PCDH11Y: variants seen among roughly 807,000 people sequenced by gnomAD.
The protein encoded by PCDH11Y is protocadherin 11 Y-linked.
For missense variants in PCDH11Y, 12 were observed against 224.8 expected (o/e 0.05, Z 6.05); for synonymous variants, 9 against 83.6 (o/e 0.11, Z 4.87).
chrY:5,671,839 G>A, intron 4 of PCDH11Y, among the ~76,000 whole-genome samples: 1 of 32,585 alleles, frequency 3.1e-5, no homozygotes, highest in South Asian at 6.8e-4. Context: ...TCAGGTGTTA[G>A]AGAATAGGAT....
chrY:5,186,807 T>C, intron 2 of PCDH11Y, among the ~76,000 whole-genome samples: 1 of 29,352 alleles, frequency 3.4e-5, no homozygotes, highest in Admixed American at 3.1e-4. Context: ...AGTCCTCCAA[T>C]GCCTTAACTT....
chrY:5,131,718 T>C, intron 2 of PCDH11Y, among the ~76,000 whole-genome samples: 1 of 33,328 alleles, frequency 3.0e-5, no homozygotes, highest in Non-Finnish European at 7.4e-5. Context: ...AGATTCAAAA[T>C]CTTATCGGCA....
chrY:5,138,871 G>A (rs2052844332), intron 2 of PCDH11Y, among the ~76,000 whole-genome samples: 39 of 33,125 alleles, frequency 1.2e-3, no homozygotes, highest in African/African-American at 4.1e-3. Flanking sequence ...CAGAGAAAGA[G>A]TGATTCCTCC....
At position 5,266,351 on chromosome Y, in the gene PCDH11Y, C is replaced by T. The variant is rs1602896443; in HGVS notation, c.3129+165644C>T. 2.9e-3 allele frequency among the ~76,000 whole-genome samples: 94 copies of T among 32,234 alleles called. No homozygotes were observed. The South Asian group carries it at 0.065, about 22-fold the overall frequency. The allele number at this position is 32,234 out of a possible 37,273, so 86.5% of individuals were successfully genotyped here. On this transcript the variant is annotated intron_variant, in intron 2 of 4. Coordinates refer to the PCDH11Y transcript ENST00000400457. ...GGAGTTCGAGAGCAGCCTGACAACA[C>T]GGCGAAACCCCATCTCTACTAAAAA...
chrY:5,329,583 C>T (rs2053127360), intron 2 of PCDH11Y, among the ~76,000 whole-genome samples: 1 of 32,818 alleles, frequency 3.0e-5, no homozygotes, highest in Non-Finnish European at 7.5e-5. Context: ...ACCCTTGAAA[C>T]GTGAGTGTAT....
intron 4 of PCDH11Y, among the ~76,000 whole-genome samples, chrY:5,659,923 A>G: frequency 3.4e-5 from 1 of 29,039 alleles, no homozygotes; most frequent in Admixed American, 3.5e-4. Flanking sequence ...CCCAAGGCCC[A>G]TGGAGTACTC....
intron 4 of PCDH11Y, among the ~76,000 whole-genome samples, chrY:5,602,929 C>T: frequency 7.5e-5 from 2 of 26,705 alleles, no homozygotes; most frequent in Non-Finnish European, 1.8e-4. Context: ...CATTAAATTG[C>T]TAATATTATC....
At chrY:5,659,598 T>C in intron 4 of PCDH11Y, among the ~76,000 whole-genome samples, 2 of 30,029 alleles carry the variant, frequency 6.7e-5, no homozygotes, top group East Asian at 8.9e-4. Context: ...CCACTACTTA[T>C]GTTCACTTAA....
intron 3 of PCDH11Y, among the ~76,000 whole-genome samples, chrY:5,046,811 G>A (rs1602849302): frequency 1.2e-4 from 4 of 33,595 alleles, no homozygotes; most frequent in South Asian, 6.8e-4. Flanking sequence ...ATATAATCTC[G>A]TGGTGCGCCG....
chrY:5,403,525 G>T, intron 2 of PCDH11Y, among the ~76,000 whole-genome samples: 1 of 31,870 alleles, frequency 3.1e-5, no homozygotes, highest in Non-Finnish European at 7.6e-5. Context: ...TTCAGATCAG[G>T]TATTTAAAAT....
chrY:5,471,842 A>C, intron 2 of PCDH11Y, among the ~76,000 whole-genome samples: 1 of 32,803 alleles, frequency 3.0e-5, no homozygotes, highest in African/African-American at 1.2e-4. Context: ...GTTCCCTTAC[A>C]TTTAAAAATC....
chrY:5,264,011 C>A, intron 2 of PCDH11Y, among the ~76,000 whole-genome samples: 5 of 32,457 alleles, frequency 1.5e-4, no homozygotes, highest in African/African-American at 2.4e-4. Context: ...TCCTTCTCCT[C>A]TTCTCTCCCC....
At chrY:5,394,940 T>A in intron 2 of PCDH11Y, among the ~76,000 whole-genome samples, 2 of 33,384 alleles carry the variant, frequency 6.0e-5, no homozygotes, top group South Asian at 1.3e-3. Flanking sequence ...TAGGACTATA[T>A]TTGTGCATAA....
chrY:5,597,828 G>T lies in PCDH11Y; in HGVS notation c.3352+16030G>T. 9.3e-5 allele frequency among the ~76,000 whole-genome samples: 3 copies of T among 32,220 alleles called. No homozygotes were observed. In the South Asian group the frequency reaches 2.1e-3, roughly 22 times the overall value. The allele number at this position is 32,220 out of a possible 37,273, so 86.4% of individuals were successfully genotyped here. The stretch of plus-strand genomic sequence containing the variant: ...TGGACTTTGGGGACTTGGGGGAAAG[G>T]GTAGGAGAGGGGTGAGAAATAAAAG... On this transcript the variant is annotated intron_variant, in intron 4 of 4. Coordinates refer to the PCDH11Y transcript ENST00000400457.
chrY:5,092,323 C>T (rs2052742875), intron 1 of PCDH11Y, among the ~76,000 whole-genome samples: 36 of 33,030 alleles, frequency 1.1e-3, no homozygotes, highest in African/African-American at 4.0e-3. Flanking sequence ...TTTAAAGTAG[C>T]GAGGGACTGG....
intron 2 of PCDH11Y, among the ~76,000 whole-genome samples, chrY:5,495,130 G>A: frequency 3.0e-5 from 1 of 32,926 alleles, no homozygotes; most frequent in Non-Finnish European, 7.4e-5. Flanking sequence ...CAGGTCAACT[G>A]ATCCATCCTG....
chrY:5,392,841 G>T, intron 2 of PCDH11Y, among the ~76,000 whole-genome samples: 1 of 33,405 alleles, frequency 3.0e-5, no homozygotes, highest in Admixed American at 2.7e-4. Context: ...ACAATTGCTG[G>T]CCATGAATTT....
intron 3 of PCDH11Y, among the ~76,000 whole-genome samples, chrY:5,580,012 C>T (rs2053449423): frequency 6.4e-5 from 2 of 31,145 alleles, no homozygotes; most frequent in Non-Finnish European, 1.6e-4. Flanking sequence ...GTGATGAATT[C>T]GAGAAATTCT....
intron 3 of PCDH11Y, among the ~76,000 whole-genome samples, chrY:5,559,561 G>C: frequency 3.1e-5 from 1 of 32,770 alleles, no homozygotes. Flanking sequence ...GTTGTGGGAG[G>C]AGGAACCTGG....
Sources: gnomAD v4.1 joint callset for allele counts (sites outside exome capture counted in the v4.1 genomes callset) on GRCh38, gnomAD v4.1.1 for gene constraint, MANE v1.5 for transcripts, NCBI Gene and HGNC (gene_info 2026-07-23, HGNC 2026-07-21) for gene names.